SUMF1: variants seen among roughly 807,000 people sequenced by gnomAD.
SUMF1 encodes the protein sulfatase modifying factor 1.
In SUMF1, 48 loss-of-function variants were observed where a neutral mutation model predicts 47.6. The ratio of observed to expected loss-of-function variants is 1.01; its 90% CI spans 0.80 to 1.28. The LOEUF (loss-of-function observed/expected upper bound fraction) is 1.28, where lower values mean the gene tolerates loss of function less well. Among genes scored for constraint, SUMF1 ranks in the 50% most tolerant of loss-of-function variants. The pLI is 0.00. For synonymous variants in SUMF1, 230 were observed against 192.1 expected (o/e 1.20, Z -1.63); for missense variants, 571 against 485.4 (o/e 1.18, Z -1.66).
At chr3:4,083,190 C>T (rs759217982) in intron 8 of SUMF1, among the ~76,000 whole-genome samples, 1 of 152,116 alleles carries the variant, frequency 6.6e-6, no homozygotes, top group African/African-American at 2.4e-5. Context: ...ATTAAGAGAT[C>T]GCAAACTGAC....
At chr3:4,228,591 T>C (rs1405773218) in intron 8 of SUMF1, among the ~76,000 whole-genome samples, 1 of 152,144 alleles carries the variant, frequency 6.6e-6, no homozygotes, top group East Asian at 1.9e-4. Context: ...GTCTGATGTA[T>C]GGGGAATTTA....
At chr3:4,100,563 A>G (rs902582402) in intron 8 of SUMF1, among the ~76,000 whole-genome samples, 1 of 152,100 alleles carries the variant, frequency 6.6e-6, no homozygotes, top group Non-Finnish European at 1.5e-5. Context: ...ACCTGAAACT[A>G]TAAAACTACC....
intron 8 of SUMF1, among the ~76,000 whole-genome samples, chr3:4,283,500 A>ATCTTTTGCTCTT (rs1314555453): frequency 5.8e-5 from 4 of 69,454 alleles, no homozygotes; most frequent in African/African-American, 1.4e-4. Flanking sequence ...CCCTTTGTTA[A>ATCTTTTGCTCTT]AATTCAAATA....
intron 8 of SUMF1, among the ~76,000 whole-genome samples, chr3:4,340,635 C>T (rs543149044): frequency 2.6e-5 from 4 of 152,278 alleles, no homozygotes; most frequent in African/African-American, 9.6e-5. Context: ...ATAGGAGGAG[C>T]TTGCACTAAT....
At chr3:4,399,899 A>T (rs1701154007) in intron 7 of SUMF1, among the ~76,000 whole-genome samples, 1 of 152,196 alleles carries the variant, frequency 6.6e-6, no homozygotes, top group African/African-American at 2.4e-5. Context: ...CTGGGACTAC[A>T]GGCCCGTGCC....
chr3:4,376,494 A>C, intron 7 of SUMF1, 105 bp from the exon 8 acceptor site: 1 of 1,191,276 alleles, frequency 8.4e-7, no homozygotes, highest in East Asian at 2.3e-5. Context: ...ATGGTTGCCT[A>C]AACTCTCCAC....
At chr3:4,422,787 T>G (rs958162268) in intron 3 of SUMF1, among the ~76,000 whole-genome samples, 1 of 151,708 alleles carries the variant, frequency 6.6e-6, no homozygotes, top group Non-Finnish European at 1.5e-5. Flanking sequence ...TTAAAAAAAA[T>G]TATGTATTTA....
intron 8 of SUMF1, among the ~76,000 whole-genome samples, chr3:4,212,959 G>C (rs895415638): frequency 6.6e-6 from 1 of 152,284 alleles, no homozygotes; most frequent in Admixed American, 6.5e-5. Flanking sequence ...AAGTGACAGG[G>C]AGAATGGAAC....
At chr3:4,140,379 C>A (rs1251478662) in intron 8 of SUMF1, among the ~76,000 whole-genome samples, 3 of 151,982 alleles carry the variant, frequency 2.0e-5, no homozygotes, top group Admixed American at 2.0e-4. Context: ...TAAAAGGATT[C>A]AGGAAACTGA....
At chr3:4,060,847 G>A (rs1431995009) in intron 9 of SUMF1, among the ~76,000 whole-genome samples, 2 of 152,120 alleles carry the variant, frequency 1.3e-5, no homozygotes, top group Non-Finnish European at 2.9e-5. Context: ...ATAGTAAATA[G>A]CATTTGTTAA....
chr3:4,167,301 C>T (rs1297963267), intron 8 of SUMF1, among the ~76,000 whole-genome samples: 1 of 152,118 alleles, frequency 6.6e-6, no homozygotes, highest in Non-Finnish European at 1.5e-5. Flanking sequence ...AGCTTTTATT[C>T]CCTTATTTGT....
chr3:4,370,559 A>G (rs536656338), intron 8 of SUMF1, among the ~76,000 whole-genome samples: 1 of 152,286 alleles, frequency 6.6e-6, no homozygotes, highest in Non-Finnish European at 1.5e-5. Context: ...TAACCACTCA[A>G]ATGAACTGTT....
At chr3:4,303,671 C>T (rs1019291341) in intron 8 of SUMF1, 4 of 1,486,020 alleles carry the variant, frequency 2.7e-6, no homozygotes, top group Non-Finnish European at 2.7e-6. Context: ...AATAGGTGTG[C>T]ATGCCCCGGC....
intron 8 of SUMF1, among the ~76,000 whole-genome samples, chr3:4,176,663 G>T (rs556546391): frequency 1.8e-4 from 28 of 152,282 alleles, no homozygotes; most frequent in African/African-American, 6.7e-4. Flanking sequence ...ACTTCATAAT[G>T]AGATGATCAA....
chr3:4,172,774 T>A (rs143679114), intron 8 of SUMF1, among the ~76,000 whole-genome samples: 4 of 152,206 alleles, frequency 2.6e-5, no homozygotes. Context: ...TTTGTCAGAT[T>A]GATAGATTTC....
chr3:4,140,599 A>G (rs1004589182), intron 8 of SUMF1, among the ~76,000 whole-genome samples: 11 of 151,982 alleles, frequency 7.2e-5, no homozygotes, highest in African/African-American at 2.7e-4. Context: ...TTCTATTCAT[A>G]TACTCCCATG....
chr3:4,264,529 CAGGGAA>C (rs886962331), intron 8 of SUMF1, among the ~76,000 whole-genome samples: 6 of 152,048 alleles, frequency 3.9e-5, no homozygotes, highest in Non-Finnish European at 1.5e-5. Context: ...CGACAAACAG[CAGGGAA>C]AGGCACACAT....
At chr3:4,236,520 G>A (rs752106692) in intron 8 of SUMF1, among the ~76,000 whole-genome samples, 13 of 152,234 alleles carry the variant, frequency 8.5e-5, no homozygotes, top group South Asian at 2.1e-4. Flanking sequence ...TCAGGAGGCC[G>A]AAGCAGGAGG....
chr3:4,369,458 A>G (rs958952002), intron 8 of SUMF1, among the ~76,000 whole-genome samples: 2 of 152,130 alleles, frequency 1.3e-5, no homozygotes, highest in African/African-American at 4.8e-5. Context: ...GTGCTTTGGT[A>G]TTTCTAGAAT....
Sources: gnomAD v4.1 joint callset for allele counts (sites outside exome capture counted in the v4.1 genomes callset) on GRCh38, gnomAD v4.1.1 for gene constraint, MANE v1.5 for transcripts, NCBI Gene and HGNC (gene_info 2026-07-23, HGNC 2026-07-21) for gene names.